The following GABRB1 variants were observed in gnomAD, a reference collection of about 807,000 sequenced individuals.
GABRB1 encodes gamma-aminobutyric acid receptor subunit beta-1.
A neutral mutation model predicts 51.6 loss-of-function variants in GABRB1; 17 were observed. That is an observed-to-expected ratio of 0.33 (90% CI 0.23 to 0.49). The LOEUF is 0.49. Ranked by LOEUF, GABRB1 falls within the 20% of genes least tolerant of loss-of-function variation. GABRB1 has a pLI of 0.99. For missense variants in GABRB1, 410 were observed against 600.6 expected (o/e 0.68, Z 3.32); for synonymous variants, 247 against 218.9 (o/e 1.13, Z -1.14).
At chr4:47,187,950 C>G (rs769623130) in intron 4 of GABRB1, among the ~76,000 whole-genome samples, 1 of 151,932 alleles carries the variant, frequency 6.6e-6, no homozygotes, top group African/African-American at 2.4e-5. Flanking sequence ...ACCATGCCAT[C>G]TAATCACAGA....
At chr4:47,181,003 G>A (rs1238634225) in intron 4 of GABRB1, among the ~76,000 whole-genome samples, 1 of 151,872 alleles carries the variant, frequency 6.6e-6, no homozygotes, top group Non-Finnish European at 1.5e-5. Flanking sequence ...GGGGCTTTGG[G>A]TGATTTTTTT....
chr4:47,247,235 G>A (rs966706781), intron 4 of GABRB1, among the ~76,000 whole-genome samples: 11 of 152,054 alleles, frequency 7.2e-5, no homozygotes, highest in Admixed American at 5.9e-4. Flanking sequence ...TCTCCTACAT[G>A]TGACTAGCCA....
At chr4:47,096,483 G>A (rs1256321025) in intron 3 of GABRB1, among the ~76,000 whole-genome samples, 1 of 152,164 alleles carries the variant, frequency 6.6e-6, no homozygotes, top group Non-Finnish European at 1.5e-5. Context: ...TCGGTAGGCA[G>A]AATAATGCCT....
intron 1 of GABRB1, among the ~76,000 whole-genome samples, chr4:46,995,878 A>G (rs1034022059): frequency 6.6e-6 from 1 of 152,186 alleles, no homozygotes; most frequent in Non-Finnish European, 1.5e-5. Context: ...CAGAGTAGCT[A>G]CTTCCAGTTA....
chr4:47,227,681 G>C (rs1720994948), intron 4 of GABRB1, among the ~76,000 whole-genome samples: 1 of 152,122 alleles, frequency 6.6e-6, no homozygotes, highest in African/African-American at 2.4e-5. Flanking sequence ...AGTTACATGA[G>C]GGGCTGTCTT....
chr4:47,035,643 C>A (rs190057721), intron 3 of GABRB1, among the ~76,000 whole-genome samples: 123 of 152,022 alleles, frequency 8.1e-4, no homozygotes, highest in African/African-American at 2.9e-3. Context: ...AAGCCACAGA[C>A]ACACACACAC....
intron 4 of GABRB1, among the ~76,000 whole-genome samples, chr4:47,186,723 A>G (rs1158436681): frequency 6.6e-6 from 1 of 151,932 alleles, no homozygotes; most frequent in Non-Finnish European, 1.5e-5. Context: ...AAGCAATAGC[A>G]TCTTCAACTA....
chr4:47,305,078 T>C (rs1420791752), intron 4 of GABRB1, among the ~76,000 whole-genome samples: 1 of 152,108 alleles, frequency 6.6e-6, no homozygotes, highest in Non-Finnish European at 1.5e-5. Flanking sequence ...CCCTAATCTG[T>C]TTGTATTCTT....
intron 3 of GABRB1, among the ~76,000 whole-genome samples, chr4:47,150,622 A>AATACATGAC (rs1440184372): frequency 7.3e-6 from 1 of 137,822 alleles, no homozygotes; most frequent in Non-Finnish European, 1.6e-5. Context: ...CTATCTTTTC[A>AATACATGAC]ATACATGACA....
chr4:47,278,790 G>A (rs1468668065), intron 4 of GABRB1, among the ~76,000 whole-genome samples: 2 of 152,090 alleles, frequency 1.3e-5, no homozygotes, highest in Non-Finnish European at 2.9e-5. Flanking sequence ...CTGGCTACTG[G>A]ATATTTCATC....
intron 4 of GABRB1, among the ~76,000 whole-genome samples, chr4:47,223,659 G>A (rs753023171): frequency 2.0e-5 from 3 of 152,190 alleles, no homozygotes; most frequent in Non-Finnish European, 2.9e-5. Context: ...TGTAGGCTTT[G>A]GAAATCAGGG....
chr4:47,420,977 CAG>C (rs796399959), intron 8 of GABRB1, among the ~76,000 whole-genome samples: 22,021 of 150,206 alleles, frequency 0.15, 2,327 homozygotes, highest in African/African-American at 0.3. Flanking sequence ...CACACACACA[CAG>C]AGTCTGTTAA....
At chr4:47,071,579 T>A (rs1560520774) in intron 3 of GABRB1, among the ~76,000 whole-genome samples, 1 of 152,036 alleles carries the variant, frequency 6.6e-6, no homozygotes, top group Non-Finnish European at 1.5e-5. Flanking sequence ...TACTTTATTT[T>A]AATTTTCTCA....
intron 3 of GABRB1, among the ~76,000 whole-genome samples, chr4:47,055,353 G>T (rs1056954430): frequency 6.6e-6 from 1 of 152,142 alleles, no homozygotes; most frequent in Non-Finnish European, 1.5e-5. Flanking sequence ...TTATGGGTTG[G>T]AATTAAATGT....
At chr4:47,262,833 C>T (rs1263470928) in intron 4 of GABRB1, among the ~76,000 whole-genome samples, 1 of 151,928 alleles carries the variant, frequency 6.6e-6, no homozygotes, top group Non-Finnish European at 1.5e-5. Context: ...GAAAATGTGG[C>T]ACATATGCAC....
chr4:47,401,021 G>A (rs545044003), intron 5 of GABRB1, among the ~76,000 whole-genome samples: 17 of 147,730 alleles, frequency 1.2e-4, no homozygotes, highest in Admixed American at 6.9e-5. Context: ...CTCCGCCTCC[G>A]GGGTTCAGGC....
intron 4 of GABRB1, among the ~76,000 whole-genome samples, chr4:47,312,242 C>T (rs760790484): frequency 6.6e-6 from 1 of 152,132 alleles, no homozygotes; most frequent in Non-Finnish European, 1.5e-5. Flanking sequence ...CCTCTTAAAT[C>T]TCACAAAACA....
intron 3 of GABRB1, among the ~76,000 whole-genome samples, chr4:47,079,849 G>A: frequency 9.0e-6 from 1 of 111,580 alleles, no homozygotes; most frequent in Admixed American, 1.1e-4. Context: ...GGCCTGTTGT[G>A]GGGTGGGGGG....
chr4:47,005,397 G>A (rs577076292), intron 1 of GABRB1, among the ~76,000 whole-genome samples: 5 of 152,204 alleles, frequency 3.3e-5, no homozygotes, highest in African/African-American at 9.6e-5. Context: ...CAGCATGGGC[G>A]ACAGAGTGGG....
Sources: gnomAD v4.1 joint callset for allele counts (sites outside exome capture counted in the v4.1 genomes callset) on GRCh38, gnomAD v4.1.1 for gene constraint, MANE v1.5 for transcripts, NCBI Gene and HGNC (gene_info 2026-07-23, HGNC 2026-07-21) for gene names.